ZNF132: variants seen among roughly 807,000 people sequenced by gnomAD.
ZNF132 encodes zinc finger protein 132 (clone pHZ-12).
A neutral mutation model predicts 9.3 loss-of-function variants in ZNF132; 6 were observed. That is an observed-to-expected ratio of 0.65 (90% CI 0.35 to 1.28). The LOEUF is 1.28. ZNF132 is among the 50% of genes most tolerant of loss of function. The pLI is 0.03. For missense variants in ZNF132, 877 were observed against 843.2 expected, an observed-to-expected ratio of 1.04 and a Z score of -0.50; for synonymous variants, 296 against 292.0, an observed-to-expected ratio of 1.01 and a Z score of -0.14.
rs1240936473 is a variant in ZNF132 at position 58,434,694 on chromosome 19, A to C, written c.750T>G (p.Thr250=). The C allele has an allele frequency of 3.7e-6, 6 of 1,614,042 alleles. No homozygotes were observed. The highest frequency in any genetic ancestry group is 1.3e-5 in the African/African-American group (1 of 74,910). The change falls in exon 3 of 3, where the codon ACT becomes ACG. Residue 250 remains threonine (T), a synonymous_variant. Coordinates refer to ENST00000254166, the MANE Select transcript of ZNF132 (RefSeq NM_003433.4). ...NCGKAFLKSS[T]LPNHLRTHSE... ...AGTGAGTTCTCAGATGGTTGGGGAG[A>C]GTGGAGCTCTTCAGGAAGGCTTTTC...
Position 58,435,080 on chromosome 19 carries a change from A to C in ZNF132, c.364T>G (p.Phe122Val), listed in dbSNP as rs778861646. The C allele has an allele frequency of 6.2e-7, 1 of 1,614,130 alleles. No individual in the cohort carries two copies. Among genetic ancestry groups the C allele is most frequent in the Admixed American group, 1.7e-5 (1 of 60,008 alleles). Residue 122 changes from phenylalanine (F) to valine (V), a missense_variant, in exon 3 of 3, where the codon TTC becomes GTC. By Grantham distance (50) the Phe-to-Val change is conservative. Coordinates refer to ENST00000254166, the MANE Select transcript of ZNF132 (RefSeq NM_003433.4). The stretch of plus-strand genomic sequence containing the variant: ...GCCAGGTGCAAAATGTCTTTCAAGA[A>C]TGGCCCACACATGTCACAGGAGTTA... ...KANSCDMCGP[F>V]LKDILHLAEH...
rs1215799528 is a variant in ZNF132 at position 58,433,072 on chromosome 19, T to C, written c.*251A>G. 6 of 416,720 alleles carry C rather than the reference T, an allele frequency of 1.4e-5. No individual in the cohort carries two copies. In the East Asian group the frequency reaches 2.0e-4, roughly 14 times the overall value. The allele number at this position is 416,720 out of a possible 1,614,324, so 25.8% of individuals were successfully genotyped here. ...AAGGCTCAGGGTACTGTTTTCCCCA[T>C]GCATGAGGACAGGACTGCTGCAAAT... On this transcript the variant is annotated 3_prime_UTR_variant, in exon 3 of 3. Transcript: ENST00000254166.
Position 58,433,474 on chromosome 19 carries a change from C to CACTCATAGGGCCT in ZNF132, c.1957_1969dup (p.Cys657Ter). On this transcript the variant is annotated stop_gained and frameshift_variant, in exon 3 of 3. Transcript: ENST00000254166. LOFTEE classifies it low-confidence loss of function (END_TRUNC). Reference sequence around the variant, plus strand: ...ACTAAAGGCTTTTCCACACTGGATGCACTCATAGGGCCTTTCTTGTGTGTG... The same window carrying CACTCATAGGGCCT: ...ACTAAAGGCTTTTCCACACTGGATGCACTCATAGGGCCTACTCATAGGGCCTTTCTTGTGTGTG... 1 of 1,613,802 alleles carries CACTCATAGGGCCT rather than the reference C, an allele frequency of 6.2e-7. No individual in the cohort carries two copies.
At position 58,434,258 on chromosome 19, in the gene ZNF132, C is replaced by A. The variant is rs1470965189; in HGVS notation, c.1186G>T (p.Val396Phe). The A allele has an allele frequency of 1.2e-6, 2 of 1,614,040 alleles. No homozygotes were observed. Residue 396 changes from valine (V) to phenylalanine (F), a missense_variant, in exon 3 of 3, where the codon GTT becomes TTT. Transcript: ENST00000254166. ...TCATAAGGTCTTACCTGTGTGTGAACTTTCTGATGCCGAAGGAAATTGGAG... is the reference window on the plus strand; with the variant it reads ...TCATAAGGTCTTACCTGTGTGTGAAATTTCTGATGCCGAAGGAAATTGGAG... ...QSSNFLRHQK[V>F]HTQVRPYECS... is the part of the protein sequence containing the mutation.
chr19:58,434,578 A>G lies in ZNF132; in HGVS notation c.866T>C (p.Ile289Thr), dbSNP rs745412413. 1.4e-5 allele frequency: 23 copies of G among 1,614,078 alleles called. 1 individual carries two copies. The South Asian group carries it at 1.5e-4, about 11-fold the overall frequency. The change falls in exon 3 of 3, where the codon ATA becomes ACA. Residue 289 changes from isoleucine to threonine, a missense_variant. Transcript: ENST00000254166. The part of the protein sequence containing the change: ...LGNKKFHTGE[I>T]PHVCKECGKA... Reference sequence around the variant, plus strand: ...CCCACACTCCTTACACACATGGGGTATTTCCCCAGTGTGAAACTTTTTATT... The same window carrying G: ...CCCACACTCCTTACACACATGGGGTGTTTCCCCAGTGTGAAACTTTTTATT...
rs772721376 is a variant in ZNF132, at chr19:58,436,966, G to A, written c.232+81C>T. The A allele has an allele frequency of 3.8e-6, 6 of 1,594,392 alleles. No homozygotes were observed. The East Asian group carries it at 1.3e-4, about 36-fold the overall frequency. On this transcript the variant is annotated intron_variant, in intron 2 of 2. Coordinates refer to ENST00000254166, the MANE Select transcript of ZNF132 (RefSeq NM_003433.4). The stretch of plus-strand genomic sequence containing the variant: ...AGAAGGAAGCAGTACCCATGATCTG[G>A]CTTTGGGATGAACAGAGCTTTCTAT...
chr19:58,435,412 C>A, intron 2 of ZNF132: 3 of 584,256 alleles, frequency 5.1e-6, no homozygotes, highest in Non-Finnish European at 8.9e-6. Context: ...ATAAGGGAGA[C>A]CTCACCAGGG....
intron 1 of ZNF132, chr19:58,437,828 C>T: frequency 4.1e-6 from 4 of 981,202 alleles, no homozygotes; most frequent in Non-Finnish European, 4.8e-6. Context: ...AATGCCTCCC[C>T]TGCCAGCCCT....
rs2052751569 is a variant in ZNF132, at chr19:58,433,094, A to T, written c.*229T>A. ...CCATGCATGAGGACAGGACTGCTGC[A>T]AATTTTTGGATCCAGGCAAGATGGA... On this transcript the variant is annotated 3_prime_UTR_variant, in exon 3 of 3. Transcript: ENST00000254166. 1.7e-6 allele frequency: 1 copy of T among 583,716 alleles called. No homozygotes were observed. The highest frequency in any genetic ancestry group is 1.9e-5 in the African/African-American group (1 of 53,832). The allele number at this position is 583,716 out of a possible 1,614,324, so 36.2% of individuals were successfully genotyped here. A position where few individuals can be genotyped will look rare whatever the true frequency, so the allele number is the denominator to read the frequency against.
chr19:58,439,411 C>G (rs897805340), intron 1 of ZNF132, among the ~76,000 whole-genome samples: 2 of 152,232 alleles, frequency 1.3e-5, no homozygotes, highest in Non-Finnish European at 2.9e-5. Flanking sequence ...CCAGGCCTAA[C>G]TATTGGTTTC....
rs767508976 is a variant in ZNF132 at position 58,433,810 on chromosome 19, C to T, written c.1634G>A (p.Cys545Tyr). The T allele has an allele frequency of 1.9e-6, 3 of 1,614,238 alleles. No homozygotes were observed. Among genetic ancestry groups the T allele is most frequent in the Non-Finnish European group, 8.5e-7 (1 of 1,180,036 alleles). The change falls in exon 3 of 3, where the codon TGT becomes TAT. Residue 545 changes from cysteine (C) to tyrosine (Y), a missense_variant. Cys to Tyr is a radical substitution (Grantham distance 194). Transcript: ENST00000254166. ...AGCAAAGGCTTTCCCACACTCACTA[C>T]ACTCGTAAGGCTTTTCTCCAGTGTG... is the stretch of plus-strand genomic sequence containing the variant. ...RIHTGEKPYE[C>Y]SECGKAFAHS...
chr19:58,433,535 T>C lies in ZNF132; in HGVS notation c.1909A>G (p.Ser637Gly), dbSNP rs1173121245. Reference protein sequence around the residue: ...YECSECGRAFSSNSHLVRHQR... With the variant: ...YECSECGRAFGSNSHLVRHQR... ...TGACGAACCAGGTGGGAGTTACTGC[T>C]AAAGGCTCTCCCACATTCACTGCAT... The change falls in exon 3 of 3, where the codon AGC (serine) becomes GGC (glycine). Residue 637 changes from serine to glycine, a missense_variant. Physicochemically the swap from Ser to Gly is moderately conservative, Grantham distance 56. Coordinates refer to ENST00000254166, the MANE Select transcript of ZNF132 (RefSeq NM_003433.4). 6.2e-7 allele frequency: 1 copy of C among 1,614,072 alleles called. No homozygotes were observed. The highest frequency in any genetic ancestry group is 8.5e-7 in the Non-Finnish European group (1 of 1,180,028).
intron 1 of ZNF132, among the ~76,000 whole-genome samples, chr19:58,437,946 C>G (rs2052782076): frequency 6.6e-6 from 1 of 152,128 alleles, no homozygotes; most frequent in African/African-American, 2.4e-5. Flanking sequence ...CATAGCTGTC[C>G]TTGCTCTTCC....
chr19:58,439,698 G>C, intron 1 of ZNF132, 61 bp downstream of exon 1: 2 of 1,468,618 alleles, frequency 1.4e-6, no homozygotes, highest in African/African-American at 1.5e-5. Flanking sequence ...CTCTATCTGG[G>C]CTTCAGGATC....
In ZNF132 at chr19:58,433,758, C is replaced by A. The variant is rs778282255; in HGVS notation, c.1686G>T (p.Trp562Cys). 1.2e-6 allele frequency: 2 copies of A among 1,614,090 alleles called. No homozygotes were observed. Among genetic ancestry groups the A allele is most frequent in the South Asian group, 1.1e-5 (1 of 91,084 alleles). ...FAHSSTLIEH[W>C]RVHTKERPYE... ...AAGGCCTTTCTTTTGTGTGAACTCT[C>A]CAGTGTTCAATGAGAGTGGAGCTGT... The change falls in exon 3 of 3, where the codon TGG becomes TGT. Residue 562 changes from tryptophan to cysteine, a missense_variant. Coordinates refer to ENST00000254166, the MANE Select transcript of ZNF132 (RefSeq NM_003433.4).
In ZNF132 at chr19:58,433,430, G is replaced by A. The variant is rs202158029; in HGVS notation, c.2014C>T (p.Arg672Trp). 71 of 1,613,980 alleles carry A rather than the reference G, an allele frequency of 4.4e-5. No individual in the cohort carries two copies. In the Middle Eastern group the frequency reaches 4.9e-4, roughly 11 times the overall value. Residue 672 changes from arginine to tryptophan, a missense_variant, in exon 3 of 3, where the codon CGG (arginine) becomes TGG (tryptophan). By Grantham distance (101) the Arg-to-Trp change is moderately radical (BLOSUM62 -3). Transcript: ENST00000254166. ...KAFSERSTLV[R>W]HQKVHTRERT... is the part of the protein sequence containing the mutation. ...TCTCTGGTGTGAACTTTCTGGTGCC[G>A]AACAAGTGTAGATCTTTCACTAAAG... is the stretch of plus-strand genomic sequence containing the variant.
intron 1 of ZNF132, 57 bp from the exon 2 acceptor site, chr19:58,437,272 C>T: frequency 6.6e-7 from 1 of 1,519,726 alleles, no homozygotes; most frequent in South Asian, 1.3e-5. Flanking sequence ...TGCTGTGTGA[C>T]TCAGAATCCT....
intron 2 of ZNF132, among the ~76,000 whole-genome samples, chr19:58,436,593 G>C (rs2052773967): frequency 6.6e-6 from 1 of 150,834 alleles, no homozygotes; most frequent in Non-Finnish European, 1.5e-5. Flanking sequence ...GCGTGAACCT[G>C]GGAGGCAGAG....
rs780303022 is a variant in ZNF132 at position 58,433,985 on chromosome 19, A to G, written c.1459T>C (p.Phe487Leu). The change falls in exon 3 of 3, where the codon TTT (phenylalanine) becomes CTT (leucine). Residue 487 changes from phenylalanine to leucine, a missense_variant. Transcript: ENST00000254166. ...GCTTTACCACAATCACAGCATTCAA[A>G]AGGCCGTTCTCCAGTGTGAACTTTC... ...HQKVHTGERP[F>L]ECCDCGKAFS... 9.3e-6 allele frequency: 15 copies of G among 1,614,104 alleles called. No homozygotes were observed. Among genetic ancestry groups the G allele is most frequent in the Non-Finnish European group, 1.3e-5 (15 of 1,180,044 alleles).
Sources: allele counts gnomAD v4.1 joint callset (sites outside exome capture counted in the v4.1 genomes callset), GRCh38; gene constraint gnomAD v4.1.1; transcripts MANE v1.5; gene names NCBI Gene and HGNC (gene_info 2026-07-23, HGNC 2026-07-21).